The following TANC2 variants were observed in gnomAD, a reference collection of about 807,000 sequenced individuals.
TANC2 encodes tetratricopeptide repeat, ankyrin repeat and coiled-coil containing 2.
A neutral mutation model predicts 210.5 loss-of-function variants in TANC2; 26 were observed. The ratio of observed to expected loss-of-function variants is 0.12; its 90% confidence interval spans 0.09 to 0.17. The LOEUF is 0.17. Ranked by LOEUF, TANC2 falls within the 10% of genes least tolerant of loss-of-function variation. TANC2 has a pLI of 1.00. For missense variants in TANC2, 2,129 were observed against 2,608.9 expected (o/e 0.82, Z 4.01); for synonymous variants, 931 against 967.1 (o/e 0.96, Z 0.69).
intron 1 of TANC2, among the ~76,000 whole-genome samples, chr17:62,971,454 T>G (rs865960880): frequency 6.6e-6 from 1 of 152,194 alleles, no homozygotes; most frequent in Non-Finnish European, 1.5e-5. Context: ...CTCAGCCTGC[T>G]GAGTAGCTGA....
chr17:63,068,445 C>A (rs1351314709), intron 2 of TANC2, among the ~76,000 whole-genome samples: 1 of 152,032 alleles, frequency 6.6e-6, no homozygotes, highest in Non-Finnish European at 1.5e-5. Context: ...GCTTCTATAT[C>A]TTGAACATGT....
intron 12 of TANC2, among the ~76,000 whole-genome samples, chr17:63,350,316 C>G (rs368606434): frequency 1.1e-4 from 17 of 152,276 alleles, no homozygotes; most frequent in African/African-American, 3.6e-4. Flanking sequence ...TCTGCTTTCC[C>G]CCTTTCAGAG....
intron 11 of TANC2, chr17:63,338,951 C>G (rs1231360083): frequency 6.6e-6 from 1 of 152,212 alleles, no homozygotes; most frequent in Non-Finnish European, 1.5e-5. Flanking sequence ...TAGTAGATGA[C>G]TGGCAGATGC....
chr17:63,062,399 C>T (rs1213358520), intron 2 of TANC2, among the ~76,000 whole-genome samples: 1 of 152,114 alleles, frequency 6.6e-6, no homozygotes, highest in Non-Finnish European at 1.5e-5. Flanking sequence ...AATTTTCATT[C>T]CACTTCTAGG....
At chr17:63,043,563 T>C (rs2035270830) in intron 2 of TANC2, among the ~76,000 whole-genome samples, 1 of 152,158 alleles carries the variant, frequency 6.6e-6, no homozygotes, top group South Asian at 2.1e-4. Flanking sequence ...TCGGGACTTG[T>C]ACTCATGTAC....
At chr17:63,368,646 C>T (rs757420419) in intron 14 of TANC2, among the ~76,000 whole-genome samples, 10 of 152,078 alleles carry the variant, frequency 6.6e-5, no homozygotes, top group Non-Finnish European at 1.5e-4. Flanking sequence ...GCACCTTGTA[C>T]TGCAATAAGG....
At chr17:63,126,994 T>C (rs1403144962) in intron 4 of TANC2, among the ~76,000 whole-genome samples, 1 of 152,250 alleles carries the variant, frequency 6.6e-6, no homozygotes, top group African/African-American at 2.4e-5. Context: ...TATAAGGTAC[T>C]GCTTACCTAA....
intron 2 of TANC2, among the ~76,000 whole-genome samples, chr17:63,016,610 T>A (rs2034121713): frequency 6.6e-6 from 1 of 152,172 alleles, no homozygotes; most frequent in Non-Finnish European, 1.5e-5. Context: ...ATATGGTAAT[T>A]TTATGTTTAA....
rs11314991 is a variant in TANC2 at position 63,186,350 on chromosome 17, CTT to C, written c.434-7623_434-7622del. 6.1e-3 allele frequency among the ~76,000 whole-genome samples: 697 copies of C among 114,344 alleles called. 6 individuals carry two copies. Among genetic ancestry groups the C allele is most frequent in the African/African-American group, 0.026 (627 of 24,388 alleles). 75.0% of individuals were successfully genotyped at this position (114,344 alleles called of 152,430 possible). Reference sequence around the variant, plus strand: ...AAGCAGTATGCCCTTCTCTCTCTCTCTTTTTTTTTTTTTTTTTTTGAGACAGT... The same window carrying C: ...AAGCAGTATGCCCTTCTCTCTCTCTCTTTTTTTTTTTTTTTTTGAGACAGT... On this transcript the variant is annotated intron_variant, in intron 5 of 27. Transcript: ENST00000689528.
chr17:62,973,065 G>T (rs899839360), intron 1 of TANC2, among the ~76,000 whole-genome samples: 3 of 145,782 alleles, frequency 2.1e-5, no homozygotes, highest in Non-Finnish European at 4.5e-5. Flanking sequence ...GTCTCACTCT[G>T]TTGCCTAGGC....
chr17:63,100,053 A>G (rs1002763190), intron 4 of TANC2, among the ~76,000 whole-genome samples: 3 of 152,116 alleles, frequency 2.0e-5, no homozygotes, highest in Non-Finnish European at 4.4e-5. Context: ...ACTTTGTTAG[A>G]TTTCTTCTAG....
intron 14 of TANC2, among the ~76,000 whole-genome samples, chr17:63,368,631 CA>C: frequency 6.6e-6 from 1 of 152,310 alleles, no homozygotes; most frequent in African/African-American, 2.4e-5. Flanking sequence ...AGGGGATGCT[CA>C]CCAGCACCTT....
intron 15 of TANC2, among the ~76,000 whole-genome samples, chr17:63,380,592 C>G (rs949789871): frequency 2.0e-5 from 3 of 152,156 alleles, no homozygotes; most frequent in Non-Finnish European, 2.9e-5. Context: ...TTTTTCTGTC[C>G]CACAGTCTGA....
rs1196099411 is a variant in TANC2, at chr17:63,420,283, G to A, written c.4553G>A (p.Ser1518Asn). 2 of 1,613,850 alleles carry A rather than the reference G, an allele frequency of 1.2e-6. No homozygotes were observed. The highest frequency in any genetic ancestry group is 1.1e-5 in the South Asian group (1 of 91,072). Residue 1518 changes from serine (S) to asparagine (N), a missense_variant, in exon 28 of 28, where the codon AGC becomes AAC. Physicochemically the swap from Ser to Asn is conservative, Grantham distance 46. Transcript: ENST00000689528. This position sits in a 1 kb window ranked among gnomAD's most constrained non-coding sequence, Gnocchi z 4.2. ...GGCCTCCAGACAGAGGCCCGGCCCA[G>A]CCAGGGGCTCCCGGTCATCCAGAGC...
intron 2 of TANC2, among the ~76,000 whole-genome samples, chr17:63,021,773 G>A (rs2034357652): frequency 6.6e-6 from 1 of 152,178 alleles, no homozygotes; most frequent in Non-Finnish European, 1.5e-5. Flanking sequence ...GAAAAAGCCT[G>A]TATTGCCATG....
chr17:63,236,434 TATC>T (rs1372084912), intron 7 of TANC2, among the ~76,000 whole-genome samples: 1 of 152,164 alleles, frequency 6.6e-6, no homozygotes, highest in Non-Finnish European at 1.5e-5. Context: ...ATATTCTTAT[TATC>T]TAATCATGAA....
At chr17:63,425,123 C>A (rs986534556) in exon 28 of TANC2, 1 of 151,968 alleles carries the variant, frequency 6.6e-6, no homozygotes, top group African/African-American at 2.4e-5. Context: ...GTATCTTGTC[C>A]GGGTTGCAGA....
At chr17:63,146,789 C>G (rs143445959) in intron 4 of TANC2, among the ~76,000 whole-genome samples, 1 of 152,080 alleles carries the variant, frequency 6.6e-6, no homozygotes, top group African/African-American at 2.4e-5. Context: ...AGAGGAACCT[C>G]GATAGGTAGA....
At chr17:63,209,302 T>C (rs1369748382) in intron 7 of TANC2, among the ~76,000 whole-genome samples, 7 of 151,958 alleles carry the variant, frequency 4.6e-5, no homozygotes, top group Non-Finnish European at 8.8e-5. Context: ...CATGAGCCAC[T>C]GCACCCGGCC....
Sources: allele counts gnomAD v4.1 joint callset (sites outside exome capture counted in the v4.1 genomes callset), GRCh38; gene constraint gnomAD v4.1.1; non-coding constraint Gnocchi (gnomAD v3.1); transcripts MANE v1.5; gene names NCBI Gene and HGNC (gene_info 2026-07-23, HGNC 2026-07-21).